The following GRIP1 variants were observed in gnomAD, a reference collection of about 807,000 sequenced individuals.
GRIP1 encodes the protein glutamate receptor-interacting protein 1.
GRIP1 carries 45 observed loss-of-function variants against 129.9 expected under a neutral mutation model. That is an observed-to-expected ratio of 0.35 (90% CI 0.27 to 0.44). The LOEUF (loss-of-function observed/expected upper bound fraction) is 0.44. Among genes scored for constraint, GRIP1 ranks in the 20% least tolerant of loss-of-function variants. The probability of loss-of-function intolerance (pLI) is 1.00; values close to 1 mark genes in which losing one functional copy is unlikely to be tolerated. For missense variants in GRIP1, 1,196 were observed against 1,396.8 expected (o/e 0.86, Z 2.29); for synonymous variants, 530 against 520.8 (o/e 1.02, Z -0.24).
At chr12:67,020,000 T>C (rs1294310901) in intron 1 of GRIP1, among the ~76,000 whole-genome samples, 1 of 152,212 alleles carries the variant, frequency 6.6e-6, no homozygotes, top group East Asian at 1.9e-4. Context: ...AGTTGTTAAT[T>C]ATGTACATAA....
intron 1 of GRIP1, among the ~76,000 whole-genome samples, chr12:66,924,929 C>T (rs535417057): frequency 5.4e-4 from 82 of 152,192 alleles, no homozygotes; most frequent in African/African-American, 1.7e-3. Context: ...GAGATCGTGC[C>T]GCTGCACTCT....
chr12:66,676,645 T>C (rs1592732428), intron 1 of GRIP1, among the ~76,000 whole-genome samples: 2 of 152,120 alleles, frequency 1.3e-5, no homozygotes, highest in East Asian at 3.9e-4. Context: ...GAGCCCTCAA[T>C]GGGTATAAAG....
At chr12:67,029,097 T>C (rs753890205) in intron 1 of GRIP1, among the ~76,000 whole-genome samples, 41 of 152,088 alleles carry the variant, frequency 2.7e-4, no homozygotes, top group Non-Finnish European at 5.3e-4. Flanking sequence ...AGTGAGACTG[T>C]CTCTACAAAA....
chr12:66,952,794 G>T (rs1252087432), intron 1 of GRIP1, among the ~76,000 whole-genome samples: 3 of 152,136 alleles, frequency 2.0e-5, no homozygotes, highest in Non-Finnish European at 4.4e-5. Flanking sequence ...GCTGCTGGAT[G>T]AATGATTTCA....
At chr12:67,025,037 T>C (rs2042920909) in intron 1 of GRIP1, among the ~76,000 whole-genome samples, 1 of 152,128 alleles carries the variant, frequency 6.6e-6, no homozygotes, top group African/African-American at 2.4e-5. Context: ...AAACCCTCTA[T>C]GTAGGAATAA....
chr12:67,018,165 T>C (rs1565641255), intron 1 of GRIP1, among the ~76,000 whole-genome samples: 1 of 152,110 alleles, frequency 6.6e-6, no homozygotes. Context: ...CTGTCCCTTG[T>C]GTGGTGGTAG....
intron 1 of GRIP1, among the ~76,000 whole-genome samples, chr12:66,859,597 A>G (rs2040076566): frequency 6.6e-6 from 1 of 152,062 alleles, no homozygotes; most frequent in Non-Finnish European, 1.5e-5. Flanking sequence ...CCCTTATCTT[A>G]CTGGGATGTC....
chr12:66,497,458 T>A (rs1034418521), intron 7 of GRIP1, among the ~76,000 whole-genome samples: 2 of 152,156 alleles, frequency 1.3e-5, no homozygotes, highest in African/African-American at 4.8e-5. Context: ...CCTGAGGACA[T>A]GAACCCGGCA....
At chr12:66,816,713 G>A (rs1299546544) in intron 1 of GRIP1, among the ~76,000 whole-genome samples, 1 of 152,018 alleles carries the variant, frequency 6.6e-6, no homozygotes, top group Non-Finnish European at 1.5e-5. Flanking sequence ...ATGACTAACA[G>A]CCTTCTTTTT....
At position 66,465,292 on chromosome 12, in the gene GRIP1, A is replaced by C. The variant is rs1555189320; in HGVS notation, c.855T>G (p.Ser285=). 1.9e-6 allele frequency: 3 copies of C among 1,613,812 alleles called. No individual in the cohort carries two copies. Among genetic ancestry groups the C allele is most frequent in the Non-Finnish European group, 2.5e-6 (3 of 1,179,824 alleles). ...ATACTTACCTGTCTGCAATACTTGC[A>C]GATTTGATTTTGTCTATGACAATGA... ...KQVIVIDKIK[S]ASIADRCGAL... The change falls in exon 8 of 25, where the codon TCT becomes TCG. Residue 285 remains serine, a synonymous_variant. Transcript: ENST00000359742.
chr12:66,627,601 G>C (rs1045749853), intron 1 of GRIP1, among the ~76,000 whole-genome samples: 11 of 152,122 alleles, frequency 7.2e-5, no homozygotes, highest in African/African-American at 2.7e-4. Flanking sequence ...TTTATCTGAG[G>C]ATACGTCTTT....
chr12:66,961,569 G>A (rs1728962194), intron 1 of GRIP1, among the ~76,000 whole-genome samples: 1 of 152,114 alleles, frequency 6.6e-6, no homozygotes, highest in Admixed American at 6.5e-5. Flanking sequence ...TACAGACCAA[G>A]TTATAGAAGG....
intron 23 of GRIP1, among the ~76,000 whole-genome samples, chr12:66,358,507 C>T (rs921663437): frequency 2.6e-5 from 4 of 152,096 alleles, no homozygotes; most frequent in Admixed American, 6.5e-5. Context: ...AATGCAGTGG[C>T]GCGATCTCGG....
chr12:67,012,374 C>A (rs766526303), intron 1 of GRIP1, among the ~76,000 whole-genome samples: 3 of 152,022 alleles, frequency 2.0e-5, no homozygotes, highest in Non-Finnish European at 4.4e-5. Context: ...ACAGTGGGAT[C>A]CCTGGGTTAT....
intron 1 of GRIP1, among the ~76,000 whole-genome samples, chr12:66,691,368 A>G (rs773451396): frequency 5.9e-5 from 9 of 152,230 alleles, no homozygotes; most frequent in Admixed American, 2.0e-4. Flanking sequence ...AAATGAATAC[A>G]CTAGAGGTTT....
intron 15 of GRIP1, among the ~76,000 whole-genome samples, chr12:66,410,642 AAAACAAACAAAC>A (rs377000515): frequency 8.6e-6 from 1 of 115,890 alleles, no homozygotes; most frequent in African/African-American, 2.5e-5. Context: ...ACTCTGTCTC[AAAACAAACAAAC>A]AAACAAACAA....
intron 2 of GRIP1, among the ~76,000 whole-genome samples, chr12:66,559,031 A>T (rs1237164894): frequency 6.6e-6 from 1 of 152,094 alleles, no homozygotes; most frequent in Non-Finnish European, 1.5e-5. Context: ...AACCTACACA[A>T]ATCAATCAGT....
chr12:66,980,471 C>T (rs749996931), intron 1 of GRIP1, among the ~76,000 whole-genome samples: 2 of 152,022 alleles, frequency 1.3e-5, no homozygotes, highest in South Asian at 2.1e-4. Context: ...ATTAGCTGGG[C>T]GTGGTGGCAC....
intron 15 of GRIP1, among the ~76,000 whole-genome samples, chr12:66,420,344 G>A (rs1270933276): frequency 6.6e-6 from 1 of 151,024 alleles, no homozygotes. Flanking sequence ...GGATATTCTG[G>A]TAACAGCAAA....
Sources: gnomAD v4.1 joint callset for allele counts (sites outside exome capture counted in the v4.1 genomes callset) on GRCh38, gnomAD v4.1.1 for gene constraint, MANE v1.5 for transcripts, NCBI Gene and HGNC (gene_info 2026-07-23, HGNC 2026-07-21) for gene names.